PRKG1: variants seen among roughly 807,000 people sequenced by gnomAD.
PRKG1 encodes cGMP-dependent protein kinase 1.
Under a neutral mutation model 88.1 loss-of-function variants are expected in PRKG1, and 35 were observed. The ratio of observed to expected loss-of-function variants is 0.40; its 90% CI spans 0.30 to 0.53. The LOEUF is 0.53. PRKG1 is among the 20% of genes least tolerant of loss of function. The probability of loss-of-function intolerance (pLI) is 0.59; values close to 1 mark genes in which losing one functional copy is unlikely to be tolerated. For missense variants in PRKG1, 540 were observed against 839.8 expected (o/e 0.64, Z 4.41); for synonymous variants, 303 against 292.5 (o/e 1.04, Z -0.37).
intron 3 of PRKG1, among the ~76,000 whole-genome samples, chr10:51,605,818 T>C (rs935502208): frequency 6.6e-6 from 1 of 152,214 alleles, no homozygotes; most frequent in African/African-American, 2.4e-5. Context: ...ACTAAAATAC[T>C]TGGTCTTAAT....
chr10:51,470,669 A>T (rs1240432968), intron 3 of PRKG1, among the ~76,000 whole-genome samples: 1 of 151,936 alleles, frequency 6.6e-6, no homozygotes, highest in Non-Finnish European at 1.5e-5. Context: ...TAATAAATAC[A>T]TTTCAGTGAC....
rs546507406 is a variant in PRKG1 at position 51,352,840 on chromosome 10, A to G, written c.479-114883A>G. Among the ~76,000 whole-genome samples the G allele has an allele frequency of 2.6e-5, 4 of 152,346 alleles. No individual in the cohort carries two copies. In the South Asian group the frequency reaches 6.2e-4, roughly 24 times the overall value. On this transcript the variant is annotated intron_variant, in intron 2 of 17. Transcript: ENST00000373980. ...CAAAAATAACAAAACTGGAGGAATC[A>G]TATTACCTGACTTCAAATTATATTA... is the stretch of plus-strand genomic sequence containing the variant.
At chr10:51,581,706 A>G (rs561010988) in intron 3 of PRKG1, among the ~76,000 whole-genome samples, 1 of 151,962 alleles carries the variant, frequency 6.6e-6, no homozygotes, top group Non-Finnish European at 1.5e-5. Context: ...TTATATTTAC[A>G]ATAATCAGGA....
intron 3 of PRKG1, among the ~76,000 whole-genome samples, chr10:51,799,461 C>G (rs548343549): frequency 6.6e-6 from 1 of 151,946 alleles, no homozygotes; most frequent in South Asian, 2.1e-4. Context: ...TTGGAAAACA[C>G]TTGTGGTGGT....
At chr10:51,059,628 C>A (rs1378959070) in intron 1 of PRKG1, among the ~76,000 whole-genome samples, 1 of 152,072 alleles carries the variant, frequency 6.6e-6, no homozygotes, top group African/African-American at 2.4e-5. Context: ...AATACTTTTT[C>A]ATAATTATTG....
At chr10:52,132,910 G>A (rs928565272) in intron 7 of PRKG1, among the ~76,000 whole-genome samples, 1 of 151,978 alleles carries the variant, frequency 6.6e-6, no homozygotes, top group Non-Finnish European at 1.5e-5. Context: ...TGTGGAGAAC[G>A]GGGTATCCAC....
At chr10:52,002,295 T>C (rs1163799703) in intron 5 of PRKG1, among the ~76,000 whole-genome samples, 1 of 152,106 alleles carries the variant, frequency 6.6e-6, no homozygotes, top group Non-Finnish European at 1.5e-5. Flanking sequence ...AAATTAAGCC[T>C]GTCTGCTTTT....
Position 51,955,473 on chromosome 10 carries a change from A to C in PRKG1, c.762+47903A>C, listed in dbSNP as rs544002819. On this transcript the variant is annotated intron_variant, in intron 5 of 17. Coordinates refer to ENST00000373980, the MANE Select transcript of PRKG1 (RefSeq NM_006258.4). Reference sequence around the variant, plus strand: ...ACTTTTTAAGGTATTTAAAAGATGAATAATTCTAAAAATCAATTTCTTACT... The same window carrying C: ...ACTTTTTAAGGTATTTAAAAGATGACTAATTCTAAAAATCAATTTCTTACT... Among the ~76,000 whole-genome samples the C allele has an allele frequency of 3.3e-5, 5 of 152,334 alleles. No homozygotes were observed. The East Asian group carries it at 9.6e-4, about 29-fold the overall frequency.
chr10:51,914,692 G>T (rs1472397674), intron 5 of PRKG1, among the ~76,000 whole-genome samples: 1 of 152,126 alleles, frequency 6.6e-6, no homozygotes, highest in Non-Finnish European at 1.5e-5. Context: ...AACTTTTTAA[G>T]AACTCTCTAC....
chr10:51,457,766 T>C (rs961775749), intron 2 of PRKG1, among the ~76,000 whole-genome samples: 9 of 152,140 alleles, frequency 5.9e-5, no homozygotes, highest in African/African-American at 2.2e-4. Flanking sequence ...TCTTACGCAT[T>C]AGTCTACCAT....
intron 3 of PRKG1, among the ~76,000 whole-genome samples, chr10:51,519,186 A>G (rs1841672571): frequency 6.6e-6 from 1 of 152,212 alleles, no homozygotes; most frequent in African/African-American, 2.4e-5. Context: ...TTCTAAATAA[A>G]TAATATTATA....
intron 4 of PRKG1, among the ~76,000 whole-genome samples, chr10:51,825,323 C>G (rs1322339117): frequency 1.3e-5 from 2 of 152,064 alleles, no homozygotes; most frequent in Admixed American, 1.3e-4. Context: ...CAGATTCTAC[C>G]AAGCTCTTTC....
At chr10:51,762,860 TCA>T in intron 3 of PRKG1, among the ~76,000 whole-genome samples, 1 of 152,332 alleles carries the variant, frequency 6.6e-6, no homozygotes, top group African/African-American at 2.4e-5. Context: ...ATCTATATCC[TCA>T]CAGTGATTCA....
intron 3 of PRKG1, among the ~76,000 whole-genome samples, chr10:51,766,372 T>C (rs1436215890): frequency 6.6e-6 from 1 of 152,118 alleles, no homozygotes; most frequent in African/African-American, 2.4e-5. Flanking sequence ...CTTCTTACTG[T>C]GCATGTTTTA....
chr10:51,765,355 T>C (rs1838130587), intron 3 of PRKG1, among the ~76,000 whole-genome samples: 1 of 152,222 alleles, frequency 6.6e-6, no homozygotes, highest in Non-Finnish European at 1.5e-5. Context: ...CTGAGAACTT[T>C]GTTCCAATGC....
At chr10:51,920,346 G>T (rs1842437116) in intron 5 of PRKG1, among the ~76,000 whole-genome samples, 1 of 152,074 alleles carries the variant, frequency 6.6e-6, no homozygotes, top group African/African-American at 2.4e-5. Context: ...CCAGTATAAG[G>T]CCCCGGGGAG....
intron 4 of PRKG1, among the ~76,000 whole-genome samples, chr10:51,820,525 A>G (rs549345280): frequency 6.6e-6 from 1 of 152,268 alleles, no homozygotes; most frequent in South Asian, 2.1e-4. Flanking sequence ...CCTCCTGCTA[A>G]TCTGATTCTG....
At chr10:52,157,355 C>G (rs934100035) in intron 8 of PRKG1, among the ~76,000 whole-genome samples, 2 of 123,040 alleles carry the variant, frequency 1.6e-5, no homozygotes, top group Admixed American at 8.8e-5. Context: ...ATATGTGATA[C>G]TTTGTAACCT....
chr10:51,809,973 T>C (rs1839411796), intron 4 of PRKG1, among the ~76,000 whole-genome samples: 1 of 152,112 alleles, frequency 6.6e-6, no homozygotes, highest in Non-Finnish European at 1.5e-5. Context: ...CCACAGCCCC[T>C]CTTAATAAAG....
Sources: allele counts gnomAD v4.1 joint callset (sites outside exome capture counted in the v4.1 genomes callset), GRCh38; gene constraint gnomAD v4.1.1; transcripts MANE v1.5; gene names NCBI Gene and HGNC (gene_info 2026-07-23, HGNC 2026-07-21).